Variants in ADK observed in about 807,000 individuals in gnomAD.
The protein encoded by ADK is adenosine kinase, also known as N6,N6-dimethyladenosine kinase.
A neutral mutation model predicts 44.7 loss-of-function variants in ADK; 24 were observed. That is an observed-to-expected ratio of 0.54 (90% CI 0.39 to 0.76). ADK has a LOEUF of 0.76. ADK is among the 30% of genes least tolerant of loss of function. The pLI, the probability that ADK is intolerant of heterozygous loss-of-function variation, is 0.00. For synonymous variants in ADK, 128 were observed against 142.6 expected, an observed-to-expected ratio of 0.90 and a Z score of 0.73; for missense variants, 321 against 425.1, an observed-to-expected ratio of 0.76 and a Z score of 2.15.
At chr10:74,570,015 A>G (rs1363057125) in intron 7 of ADK, among the ~76,000 whole-genome samples, 3 of 152,048 alleles carry the variant, frequency 2.0e-5, no homozygotes, top group Admixed American at 1.3e-4. Flanking sequence ...TCCCAGCACC[A>G]TTTATTAAAT....
Position 74,481,955 on chromosome 10 carries a change from TTCC to T in ADK, c.556-43299_556-43297del, listed in dbSNP as rs1286048964. Among the ~76,000 whole-genome samples the T allele has an allele frequency of 4.6e-5, 7 of 152,360 alleles. No individual in the cohort carries two copies. The South Asian group carries it at 1.5e-3, about 32-fold the overall frequency. Reference sequence around the variant, plus strand: ...TAAGCACCTTATATCAGATTTTCTTTTCCTTAACCCTTGGAGACATCTAGGGAA... The same window carrying T: ...TAAGCACCTTATATCAGATTTTCTTTTTAACCCTTGGAGACATCTAGGGAA... On this transcript the variant is annotated intron_variant, in intron 6 of 10. Coordinates refer to ENST00000539909, the MANE Select transcript of ADK (RefSeq NM_006721.4).
chr10:74,506,981 G>T (rs1848100720), intron 6 of ADK, among the ~76,000 whole-genome samples: 1 of 152,156 alleles, frequency 6.6e-6, no homozygotes, highest in Non-Finnish European at 1.5e-5. Flanking sequence ...GATCCATGCA[G>T]TTCAAACCCA....
intron 7 of ADK, among the ~76,000 whole-genome samples, chr10:74,579,886 G>C (rs1464681728): frequency 2.0e-5 from 3 of 152,098 alleles, no homozygotes; most frequent in Admixed American, 1.3e-4. Flanking sequence ...ATAGTTTATA[G>C]CCCCAATAAT....
intron 10 of ADK, among the ~76,000 whole-genome samples, chr10:74,689,025 G>T (rs566236986): frequency 6.6e-6 from 1 of 152,104 alleles, no homozygotes; most frequent in East Asian, 1.9e-4. Flanking sequence ...GGCCGAGACC[G>T]GATCATGAGG....
intron 6 of ADK, among the ~76,000 whole-genome samples, chr10:74,415,672 G>A (rs1211232377): frequency 1.3e-5 from 2 of 152,026 alleles, no homozygotes; most frequent in East Asian, 3.8e-4. Context: ...TATTTACAGA[G>A]TTCTGCTACC....
chr10:74,305,713 T>C (rs897732553), intron 3 of ADK, among the ~76,000 whole-genome samples: 6 of 151,952 alleles, frequency 3.9e-5, no homozygotes, highest in African/African-American at 1.5e-4. Context: ...AGCCATTTTT[T>C]TTTCTTTCTT....
intron 9 of ADK, among the ~76,000 whole-genome samples, chr10:74,634,235 C>T (rs557626998): frequency 6.6e-6 from 1 of 151,790 alleles, no homozygotes; most frequent in East Asian, 1.9e-4. Flanking sequence ...AGACGAGTCT[C>T]GCCCTGCCTT....
chr10:74,537,603 A>T (rs1365652925), intron 7 of ADK, among the ~76,000 whole-genome samples: 2 of 152,182 alleles, frequency 1.3e-5, no homozygotes, highest in Non-Finnish European at 2.9e-5. Context: ...AGGTTTTTTT[A>T]AATTATGTCA....
intron 4 of ADK, among the ~76,000 whole-genome samples, chr10:74,357,589 C>T (rs528988772): frequency 1.6e-4 from 25 of 152,076 alleles, no homozygotes; most frequent in African/African-American, 5.5e-4. Flanking sequence ...GCATAAGCCA[C>T]CATGCCTAGC....
chr10:74,506,265 G>T, intron 6 of ADK: 1 of 196,350 alleles, frequency 5.1e-6, no homozygotes, highest in African/African-American at 2.4e-5. Context: ...AACCACAATG[G>T]TCCTTACACT....
chr10:74,371,193 A>T (rs930215634), intron 4 of ADK, among the ~76,000 whole-genome samples: 1 of 152,158 alleles, frequency 6.6e-6, no homozygotes, highest in Admixed American at 6.5e-5. Flanking sequence ...TTGGAAGGAG[A>T]TGGGAAGATT....
intron 4 of ADK, among the ~76,000 whole-genome samples, chr10:74,329,732 C>T: frequency 6.6e-6 from 1 of 152,062 alleles, no homozygotes; most frequent in Admixed American, 6.5e-5. Context: ...AATTAGAGCT[C>T]TGTCAAAATA....
At chr10:74,448,425 T>C (rs987128664) in intron 6 of ADK, among the ~76,000 whole-genome samples, 1 of 152,168 alleles carries the variant, frequency 6.6e-6, no homozygotes, top group South Asian at 2.1e-4. Context: ...TAGATTGTTA[T>C]GAGGATTAAA....
chr10:74,234,973 T>C, intron 3 of ADK, among the ~76,000 whole-genome samples: 1 of 152,174 alleles, frequency 6.6e-6, no homozygotes, highest in East Asian at 1.9e-4. Flanking sequence ...AATAAAACTT[T>C]CTTCAAACAT....
intron 10 of ADK, among the ~76,000 whole-genome samples, chr10:74,705,296 AGCAGCTCAG>A (rs1489699220): frequency 6.6e-6 from 1 of 152,134 alleles, no homozygotes; most frequent in Non-Finnish European, 1.5e-5. Context: ...GCAGCAGCTC[AGCAGCTCAG>A]GTTTCCCCTA....
rs149714088 is a variant in ADK at position 74,379,665 on chromosome 10, C to G, written c.274-14476C>G. Among the ~76,000 whole-genome samples, 3 of 152,318 alleles carry G rather than the reference C, an allele frequency of 2.0e-5. No homozygotes were observed. The East Asian group carries it at 5.8e-4, about 29-fold the overall frequency. Reference sequence around the variant, plus strand: ...TTGCTCCTCCCTCTGGAAACTTCCCCTAACCGTAAGGTCACTCTTTACCCA... The same window carrying G: ...TTGCTCCTCCCTCTGGAAACTTCCCGTAACCGTAAGGTCACTCTTTACCCA... On this transcript the variant is annotated intron_variant, in intron 4 of 10. Transcript: ENST00000539909.
chr10:74,243,191 C>T (rs375043326), intron 3 of ADK, among the ~76,000 whole-genome samples: 2 of 152,130 alleles, frequency 1.3e-5, no homozygotes, highest in East Asian at 1.9e-4. Flanking sequence ...GTTTTGGGGT[C>T]GTGGGCACCC....
At chr10:74,476,431 G>A (rs1846845297) in intron 6 of ADK, among the ~76,000 whole-genome samples, 1 of 151,798 alleles carries the variant, frequency 6.6e-6, no homozygotes, top group Admixed American at 6.6e-5. Context: ...GGCAGAGGTT[G>A]CAGTGAGTCA....
intron 6 of ADK, among the ~76,000 whole-genome samples, chr10:74,495,003 C>T (rs1005498664): frequency 6.6e-6 from 1 of 152,078 alleles, no homozygotes; most frequent in Non-Finnish European, 1.5e-5. Flanking sequence ...CTCTTGAAAC[C>T]ATTGCTCTAT....
Sources: allele counts gnomAD v4.1 joint callset (sites outside exome capture counted in the v4.1 genomes callset), GRCh38; gene constraint gnomAD v4.1.1; transcripts MANE v1.5; gene names NCBI Gene and HGNC (gene_info 2026-07-23, HGNC 2026-07-21).